SPDYE5: variants seen among roughly 807,000 people sequenced by gnomAD.
The protein encoded by SPDYE5 is speedy protein E5.
In SPDYE5, 15 loss-of-function variants were observed where a neutral mutation model predicts 48.5. That is an observed-to-expected ratio of 0.31 (90% CI 0.21 to 0.48). SPDYE5 has a LOEUF of 0.48. SPDYE5 is among the 20% of genes least tolerant of loss of function. SPDYE5 has a pLI of 0.99. For missense variants in SPDYE5, 331 were observed against 549.1 expected, an observed-to-expected ratio of 0.60 and a Z score of 3.97; for synonymous variants, 116 against 200.7, an observed-to-expected ratio of 0.58 and a Z score of 3.57.
At chr7:75,498,036 A>G in intron 5 of SPDYE5, 40 bp downstream of exon 5, 1 of 1,582,178 alleles carries the variant, frequency 6.3e-7, no homozygotes, top group Non-Finnish European at 8.5e-7. Context: ...GTTCCAACGC[A>G]TGGCTCGGGG....
chr7:75,499,769 A>ACC (rs1407636724), intron 6 of SPDYE5, among the ~76,000 whole-genome samples: 2 of 72,652 alleles, frequency 2.8e-5, no homozygotes, highest in East Asian at 3.7e-3. Flanking sequence ...TTTTTCTCAA[A>ACC]AAAAAAAAAA....
chr7:75,501,758 A>G lies in SPDYE5; in HGVS notation c.1149+3A>G, dbSNP rs782293552. On this transcript the variant is annotated splice_donor_region_variant and intron_variant, in intron 7 of 8. Transcript: ENST00000625065. ...TTTCCCCGGAGGAGTTGGAGGAGGT[A>G]GGTGGGGCCTGGGGAGGTGGAGGAG... The G allele has an allele frequency of 9.4e-5, 116 of 1,230,320 alleles. No individual in the cohort carries two copies. Among genetic ancestry groups the G allele is most frequent in the African/African-American group, 4.4e-4 (26 of 59,326 alleles). The allele number at this position is 1,230,320 out of a possible 1,614,324, so 76.2% of individuals were successfully genotyped here.
chr7:75,497,424 C>A lies in SPDYE5; in HGVS notation c.611-514C>A, dbSNP rs369980538. ...TTCCAGCCTGGCCCACAGAGCAAGA[C>A]TCTGTCTCAAAATAAATTAATAAAT... On this transcript the variant is annotated intron_variant, in intron 4 of 8. Transcript: ENST00000625065. Among the ~76,000 whole-genome samples the A allele has an allele frequency of 1.3e-4, 19 of 150,808 alleles. No individual in the cohort carries two copies. The East Asian group carries it at 3.2e-3, about 25-fold the overall frequency.
chr7:75,495,019 GA>G (rs1208982552), intron 2 of SPDYE5, 136 bp from the exon 3 acceptor site: 1 of 1,487,624 alleles, frequency 6.7e-7, no homozygotes, highest in Non-Finnish European at 8.9e-7. Context: ...GAGCAGAGGA[GA>G]AAATCAGAAA....
rs142904067 is a variant in SPDYE5, at chr7:75,501,008, T to C, written c.756-354T>C. ...CAGGCATGAGCCACCGCGTCTGGCA[T>C]ATTTCTTATATTTTTAATAGAGACG... On this transcript the variant is annotated intron_variant, in intron 6 of 8. Transcript: ENST00000625065. 7.7e-4 allele frequency among the ~76,000 whole-genome samples: 117 copies of C among 152,224 alleles called. 2 individuals are homozygous for C. Among genetic ancestry groups the C allele is most frequent in the African/African-American group, 2.5e-3 (102 of 41,548 alleles).
intron 3 of SPDYE5, 102 bp downstream of exon 3, chr7:75,495,476 G>T: frequency 1.9e-6 from 3 of 1,554,320 alleles, no homozygotes; most frequent in Non-Finnish European, 2.6e-6. Flanking sequence ...GCCCCCCGTG[G>T]GTGAGCTCTC....
chr7:75,495,538 T>C (rs1210795785), intron 3 of SPDYE5, among the ~76,000 whole-genome samples, 164 bp downstream of exon 3: 13 of 152,240 alleles, frequency 8.5e-5, no homozygotes, highest in African/African-American at 1.7e-4. Context: ...TAGGAGACGA[T>C]AGAGGACTAG....
intron 1 of SPDYE5, among the ~76,000 whole-genome samples, chr7:75,492,824 C>G: frequency 6.6e-6 from 1 of 151,966 alleles, no homozygotes; most frequent in Non-Finnish European, 1.5e-5. Flanking sequence ...GACACAATAT[C>G]TTGCTGTGTT....
Position 75,492,530 on chromosome 7 carries a change from A to C in SPDYE5, c.-422+89A>C, listed in dbSNP as rs587610111. Among the ~76,000 whole-genome samples the C allele has an allele frequency of 3.2e-3, 489 of 152,118 alleles. 3 individuals are homozygous for C. Among genetic ancestry groups the C allele is most frequent in the African/African-American group, 0.011 (460 of 41,520 alleles). ...CTTGGCTCCCTGCAACCTGCGCACC[A>C]TGAGTTCAAGTGATTCTCCAGCTCC... On this transcript the variant is annotated intron_variant, in intron 1 of 8. Transcript: ENST00000625065.
At chr7:75,498,879 C>T (rs1408869582) in intron 5 of SPDYE5, among the ~76,000 whole-genome samples, 3 of 151,964 alleles carry the variant, frequency 2.0e-5, no homozygotes, top group Non-Finnish European at 2.9e-5. Flanking sequence ...ACAGTCTGGC[C>T]GCAGCCCTGA....
chr7:75,501,911 G>C lies in SPDYE5; in HGVS notation c.1183G>C (p.Ala395Pro), dbSNP rs782108551. ...TTATGACCCAGAGCACTGGGTGTGG[G>C]CGCGAGATCGCGCTCACCTTTCCTA... ...QAYDPEHWVW[A>P]RDRAHLS Residue 395 changes from alanine (A) to proline (P), a missense_variant, in exon 8 of 9, where the codon GCG becomes CCG. This residue lies in a region of SPDYE5 where 101 missense variants were observed against 104.0 expected (regional missense o/e 0.97). Coordinates refer to ENST00000625065, the MANE Select transcript of SPDYE5 (RefSeq NM_001306141.4). 4.3e-6 allele frequency: 7 copies of C among 1,610,224 alleles called. No homozygotes were observed. In the South Asian group the frequency reaches 7.7e-5, roughly 18 times the overall value.
At chr7:75,493,220 G>A (rs1792799364) in intron 1 of SPDYE5, among the ~76,000 whole-genome samples, 1 of 151,370 alleles carries the variant, frequency 6.6e-6, no homozygotes, top group African/African-American at 2.4e-5. Context: ...ATATAGACTA[G>A]AGTTTCTTAG....
upstream of SPDYE5, among the ~76,000 whole-genome samples, chr7:75,492,052 T>C (rs1424040564): frequency 1.3e-5 from 2 of 152,194 alleles, no homozygotes; most frequent in East Asian, 1.9e-4. Flanking sequence ...TCATTTACGA[T>C]GGGCATGGCC....
In SPDYE5 at chr7:75,503,708, C is replaced by T. The variant is rs1302747321; in HGVS notation, c.*921C>T. On this transcript the variant is annotated 3_prime_UTR_variant, in exon 9 of 9. Transcript: ENST00000625065. ...GTCTCAGATATATATACTAACACGT[C>T]TAATATATACTATCTATTTTATTGG... is the stretch of plus-strand genomic sequence containing the variant. 1 of 149,374 alleles carries T rather than the reference C, an allele frequency of 6.7e-6. No homozygotes were observed. The highest frequency in any genetic ancestry group is 1.5e-5 in the Non-Finnish European group (1 of 67,414). 9.3% of individuals were successfully genotyped at this position (149,374 alleles called of 1,614,324 possible). A position where few individuals can be genotyped will look rare whatever the true frequency, so the allele number is the denominator to read the frequency against.
At position 75,492,456 on chromosome 7, in the gene SPDYE5, T is replaced by C. The variant is rs1341294184; in HGVS notation, c.-422+15T>C. ...CTCACTCGCAGGTTCTTTATTTTTT[T>C]TGAGATGGAGTTTTGCTCGTTGCCC... is the stretch of plus-strand genomic sequence containing the variant. On this transcript the variant is annotated intron_variant, in intron 1 of 8. Coordinates refer to ENST00000625065, the MANE Select transcript of SPDYE5 (RefSeq NM_001306141.4). Among the ~76,000 whole-genome samples, 2 of 152,158 alleles carry C rather than the reference T, an allele frequency of 1.3e-5. No homozygotes were observed. The highest frequency in any genetic ancestry group is 6.6e-5 in the Admixed American group (1 of 15,256).
chr7:75,501,809 G>A lies in SPDYE5; in HGVS notation c.1149+54G>A, dbSNP rs587761035. 45 of 1,612,280 alleles carry A rather than the reference G, an allele frequency of 2.8e-5. 1 individual carries two copies. In the East Asian group the frequency reaches 9.8e-4, roughly 35 times the overall value. On this transcript the variant is annotated intron_variant, in intron 7 of 8. Transcript: ENST00000625065. ...GTGGGGAGGAATCGGGTGGGCTGGA[G>A]GCTGGATGAGGGGAGAGAGGGGTAT...
upstream of SPDYE5, among the ~76,000 whole-genome samples, chr7:75,491,984 G>T (rs1217462237): frequency 6.6e-6 from 1 of 151,796 alleles, no homozygotes; most frequent in Non-Finnish European, 1.5e-5. Context: ...TAAAGTGGTA[G>T]GATTACAGGC....
At chr7:75,501,062 C>A (rs1777328498) in intron 6 of SPDYE5, among the ~76,000 whole-genome samples, 1 of 152,196 alleles carries the variant, frequency 6.6e-6, no homozygotes, top group African/African-American at 2.4e-5. Context: ...CCAGGCCCGT[C>A]TCAAACTCCT....
At chr7:75,500,899 G>A (rs1416765243) in intron 6 of SPDYE5, among the ~76,000 whole-genome samples, 3 of 152,060 alleles carry the variant, frequency 2.0e-5, no homozygotes, top group Admixed American at 2.0e-4. Flanking sequence ...GTAGAGATGG[G>A]GTTTCTCCGT....
Sources: allele counts gnomAD v4.1 joint callset (sites outside exome capture counted in the v4.1 genomes callset), GRCh38; gene constraint gnomAD v4.1.1; regional missense constraint gnomAD v4.1.1; transcripts MANE v1.5; gene names NCBI Gene and HGNC (gene_info 2026-07-23, HGNC 2026-07-21).